Variants in SHROOM3 observed in about 807,000 individuals in gnomAD.
SHROOM3 encodes the protein protein Shroom3.
In SHROOM3, 47 loss-of-function variants were observed where a neutral mutation model predicts 138.6. The ratio of observed to expected loss-of-function variants is 0.34; its 90% CI spans 0.27 to 0.43. The LOEUF is 0.43. Ranked by LOEUF, SHROOM3 falls within the 20% of genes least tolerant of loss-of-function variation. The pLI is 1.00. For synonymous variants in SHROOM3, 1,062 were observed against 1,063.3 expected (o/e 1.00, Z 0.02); for missense variants, 2,491 against 2,596.5 (o/e 0.96, Z 0.88).
chr4:76,561,661 C>T (rs1010409261), intron 2 of SHROOM3, among the ~76,000 whole-genome samples: 3 of 149,016 alleles, frequency 2.0e-5, no homozygotes, highest in South Asian at 2.1e-4. Flanking sequence ...CCACTGCCTC[C>T]TCCTTTTAGA....
chr4:76,547,474 A>C (rs1200221371), intron 1 of SHROOM3, among the ~76,000 whole-genome samples: 2 of 152,200 alleles, frequency 1.3e-5, no homozygotes, highest in Non-Finnish European at 2.9e-5. Flanking sequence ...AATCATGATG[A>C]TAATTAATGT....
chr4:76,608,922 G>A (rs1420603050), intron 2 of SHROOM3, among the ~76,000 whole-genome samples: 3 of 152,218 alleles, frequency 2.0e-5, no homozygotes. Flanking sequence ...GCTATGGAAA[G>A]CAGTGGTTCT....
chr4:76,697,028 C>T (rs2110110861), intron 2 of SHROOM3, among the ~76,000 whole-genome samples: 2 of 152,202 alleles, frequency 1.3e-5, no homozygotes. Flanking sequence ...ACAATCCTCC[C>T]ATCTCAGCTT....
At chr4:76,482,958 T>C (rs1351138761) in intron 1 of SHROOM3, among the ~76,000 whole-genome samples, 1 of 152,166 alleles carries the variant, frequency 6.6e-6, no homozygotes, top group Admixed American at 6.5e-5. Flanking sequence ...TGCAGAAAAC[T>C]GAAACTGGAC....
At chr4:76,778,280 TG>T (rs1056204171) in intron 10 of SHROOM3, among the ~76,000 whole-genome samples, 20 of 151,534 alleles carry the variant, frequency 1.3e-4, no homozygotes, top group Non-Finnish European at 2.6e-4. Context: ...TGGAGTGCAG[TG>T]GCACATCTCG....
At position 76,755,162 on chromosome 4, in the gene SHROOM3, A is replaced by G. The variant is rs765379673; in HGVS notation, c.4679A>G (p.Asp1560Gly). ...CACACTGTATGTGAGGCGCAGCTGG[A>G]CAGTGAGGATCCCGAGGGGCCACGC... is the stretch of plus-strand genomic sequence containing the variant. ...PPHTVCEAQL[D>G]SEDPEGPRPS... The change falls in exon 7 of 11, where the codon GAC (aspartate) becomes GGC (glycine). Residue 1560 changes from aspartate to glycine, a missense_variant. This residue lies in a region of SHROOM3 where 470 missense variants were observed against 595.0 expected (regional missense o/e 0.79). Coordinates refer to ENST00000296043, the MANE Select transcript of SHROOM3 (RefSeq NM_020859.4). 6.2e-7 allele frequency: 1 copy of G among 1,612,682 alleles called. No homozygotes were observed. Among genetic ancestry groups the G allele is most frequent in the Admixed American group, 1.7e-5 (1 of 59,798 alleles).
At chr4:76,482,124 T>C (rs1731626985) in intron 1 of SHROOM3, among the ~76,000 whole-genome samples, 1 of 152,170 alleles carries the variant, frequency 6.6e-6, no homozygotes, top group South Asian at 2.1e-4. Context: ...TCACCACTCC[T>C]ATTCAACATA....
At chr4:76,572,459 C>G (rs1315782623) in intron 2 of SHROOM3, among the ~76,000 whole-genome samples, 2 of 152,168 alleles carry the variant, frequency 1.3e-5, no homozygotes, top group Non-Finnish European at 2.9e-5. Flanking sequence ...TGACACTTCC[C>G]CTGAGGACTA....
At chr4:76,586,483 A>T (rs997618468) in intron 2 of SHROOM3, 6 of 984,186 alleles carry the variant, frequency 6.1e-6, no homozygotes, top group Non-Finnish European at 7.2e-6. Context: ...AGTCCATTTT[A>T]AACCAACGAT....
At position 76,503,123 on chromosome 4, in the gene SHROOM3, T is replaced by A. The variant is rs145408057; in HGVS notation, c.169-52486T>A. Among the ~76,000 whole-genome samples the A allele has an allele frequency of 5.7e-3, 860 of 151,230 alleles. 9 individuals are homozygous for A. The highest frequency in any genetic ancestry group is 0.02 in the African/African-American group (822 of 41,092). ...TGAAGATTGCCTCAGCTATTCTTGG[T>A]CCTTTGCATTTTCATATGTATTTTA... On this transcript the variant is annotated intron_variant, in intron 1 of 10. Coordinates refer to ENST00000296043, the MANE Select transcript of SHROOM3 (RefSeq NM_020859.4).
Position 76,779,612 on chromosome 4 carries a change from GACAC to G in SHROOM3, c.*440_*443del, listed in dbSNP as rs1303681156. 1 of 159,792 alleles carries G rather than the reference GACAC, an allele frequency of 6.3e-6. No homozygotes were observed. Among genetic ancestry groups the G allele is most frequent in the Non-Finnish European group, 1.4e-5 (1 of 71,976 alleles). The allele number at this position is 159,792 out of a possible 1,614,324, so 9.9% of individuals were successfully genotyped here. ...GGTCTGCAACATAAAGCCTTAAAAA[GACAC>G]ACACTAAGAAAACTGTAAAACCTTG... On this transcript the variant is annotated 3_prime_UTR_variant, in exon 11 of 11. Transcript: ENST00000296043.
intron 2 of SHROOM3, among the ~76,000 whole-genome samples, chr4:76,701,170 T>G (rs1231171501): frequency 6.6e-6 from 1 of 152,204 alleles, no homozygotes; most frequent in Admixed American, 6.5e-5. Flanking sequence ...GAATGCTGTC[T>G]GGGTGTCAGG....
intron 1 of SHROOM3, among the ~76,000 whole-genome samples, chr4:76,521,345 A>G (rs969501251): frequency 6.6e-6 from 1 of 152,096 alleles, no homozygotes; most frequent in African/African-American, 2.4e-5. Context: ...TAAATAGACA[A>G]TTTTCAGAAT....
At position 76,779,283 on chromosome 4, in the gene SHROOM3, G is replaced by T. The variant is rs1444322750; in HGVS notation, c.*106G>T. ...TGTTTGAACTATCTGGGTTATTGGT[G>T]TTTGTTCCTGATGAAAGGAAAAAAA... On this transcript the variant is annotated 3_prime_UTR_variant, in exon 11 of 11. Coordinates refer to ENST00000296043, the MANE Select transcript of SHROOM3 (RefSeq NM_020859.4). 1 of 1,446,256 alleles carries T rather than the reference G, an allele frequency of 6.9e-7. No homozygotes were observed. Among genetic ancestry groups the T allele is most frequent in the Non-Finnish European group, 9.2e-7 (1 of 1,086,628 alleles). The allele number at this position is 1,446,256 out of a possible 1,614,324, so 89.6% of individuals were successfully genotyped here.
At chr4:76,529,665 G>T (rs553922608) in intron 1 of SHROOM3, among the ~76,000 whole-genome samples, 22 of 151,988 alleles carry the variant, frequency 1.4e-4, no homozygotes, top group Non-Finnish European at 2.9e-4. Flanking sequence ...AGGCCCTCCT[G>T]CTCCAAGATC....
intron 2 of SHROOM3, among the ~76,000 whole-genome samples, chr4:76,641,952 T>A (rs1735682312): frequency 6.6e-6 from 1 of 152,126 alleles, no homozygotes. Flanking sequence ...TTTTTAGAGC[T>A]TAAGTAGGAC....
chr4:76,440,604 C>T (rs1730649877), intron 1 of SHROOM3, among the ~76,000 whole-genome samples: 1 of 152,182 alleles, frequency 6.6e-6, no homozygotes, highest in Non-Finnish European at 1.5e-5. Flanking sequence ...TAAGGGGACA[C>T]CTGCTGTTCT....
chr4:76,614,871 T>G (rs1734839818), intron 2 of SHROOM3, among the ~76,000 whole-genome samples: 1 of 152,238 alleles, frequency 6.6e-6, no homozygotes, highest in African/African-American at 2.4e-5. Context: ...GAGAGGCTCA[T>G]GGAAGGGTTG....
At chr4:76,492,150 C>G (rs532639596) in intron 1 of SHROOM3, among the ~76,000 whole-genome samples, 1 of 152,278 alleles carries the variant, frequency 6.6e-6, no homozygotes. Flanking sequence ...ATTCCCATAG[C>G]CCCTAGATAC....
Sources: allele counts gnomAD v4.1 joint callset (sites outside exome capture counted in the v4.1 genomes callset), GRCh38; gene constraint gnomAD v4.1.1; regional missense constraint gnomAD v4.1.1; transcripts MANE v1.5; gene names NCBI Gene and HGNC (gene_info 2026-07-23, HGNC 2026-07-21).